The following MAU2 variants were observed in gnomAD, a reference collection of about 807,000 sequenced individuals.
MAU2 encodes the protein MAU2 sister chromatid cohesion factor.
A neutral mutation model predicts 89.1 loss-of-function variants in MAU2; 9 were observed. The observed-to-expected ratio is 0.10, with a 90% CI of 0.06 to 0.18. MAU2 has a LOEUF of 0.18. Ranked by LOEUF, MAU2 falls within the 10% of genes least tolerant of loss-of-function variation. MAU2 has a pLI of 1.00. For missense variants in MAU2, 425 were observed against 803.5 expected, an observed-to-expected ratio of 0.53 and a Z score of 5.69; for synonymous variants, 357 against 343.4, an observed-to-expected ratio of 1.04 and a Z score of -0.44.
intron 12 of MAU2, among the ~76,000 whole-genome samples, chr19:19,346,721 C>CGATCTCATT (rs1050364821): frequency 6.6e-6 from 1 of 152,172 alleles, no homozygotes; most frequent in African/African-American, 2.4e-5. Flanking sequence ...TCTTGACGAA[C>CGATCTCATT]GATCTCATTT....
At chr19:19,334,906 T>A (rs1169629012) in intron 1 of MAU2, among the ~76,000 whole-genome samples, 2 of 152,106 alleles carry the variant, frequency 1.3e-5, no homozygotes, top group African/African-American at 4.8e-5. Flanking sequence ...CGGATCCACC[T>A]TCCAGCAACC....
chr19:19,321,187 T>G (rs756632065), intron 1 of MAU2, 52 bp downstream of exon 1: 135 of 1,477,064 alleles, frequency 9.1e-5, no homozygotes, highest in Non-Finnish European at 1.2e-4. Flanking sequence ...TTGCAAGATC[T>G]GGGCTGACGG....
intron 7 of MAU2, 107 bp downstream of exon 7, chr19:19,341,514 T>A (rs2061646691): frequency 1.5e-6 from 2 of 1,353,744 alleles, no homozygotes; most frequent in South Asian, 1.4e-5. Context: ...TCGCCTTACC[T>A]TGCCACACAA....
In MAU2 at chr19:19,355,245, G is replaced by T; in HGVS notation, c.1640-19G>T. 1 of 1,613,468 alleles carries T rather than the reference G, an allele frequency of 6.2e-7. No homozygotes were observed. The highest frequency in any genetic ancestry group is 8.5e-7 in the Non-Finnish European group (1 of 1,179,886). On this transcript the variant is annotated intron_variant, in intron 17 of 18. Coordinates refer to ENST00000262815, the MANE Select transcript of MAU2 (RefSeq NM_015329.4). The stretch of plus-strand genomic sequence containing the variant: ...GTGACAGGGCAAGGCGGGCCCCCAT[G>T]CTCATGTCCCACTCTCAGACCTGAA...
At position 19,336,139 on chromosome 19, in the gene MAU2, T is replaced by C; in HGVS notation, c.312T>C (p.Asp104=). The C allele has an allele frequency of 6.2e-7, 1 of 1,613,284 alleles. No individual in the cohort carries two copies. Among genetic ancestry groups the C allele is most frequent in the Non-Finnish European group, 8.5e-7 (1 of 1,179,496 alleles). ...LISQQIPQFE[D]VKFEAASLLS... ...GTCACTAGATCCCGCAGTTCGAAGATGTTAAATTTGAAGCAGCAAGTCTGT... is the reference window on the plus strand; with the variant it reads ...GTCACTAGATCCCGCAGTTCGAAGACGTTAAATTTGAAGCAGCAAGTCTGT... The change falls in exon 3 of 19, where the codon GAT becomes GAC. Residue 104 remains aspartate (D), a synonymous_variant. Coordinates refer to ENST00000262815, the MANE Select transcript of MAU2 (RefSeq NM_015329.4).
At position 19,345,072 on chromosome 19, in the gene MAU2, A is replaced by G; in HGVS notation, c.1155+146A>G. ...GAATGTTCCCATAGGTAATCATATA[A>G]CCTTCCCAGGCACGATCCGGAATGC... is the stretch of plus-strand genomic sequence containing the variant. On this transcript the variant is annotated intron_variant, in intron 11 of 18. Transcript: ENST00000262815. The surrounding 1 kb of genome is among the most constrained non-coding windows in gnomAD (Gnocchi z 4.9). 1.2e-6 allele frequency: 1 copy of G among 800,950 alleles called. No individual in the cohort carries two copies. Among genetic ancestry groups the G allele is most frequent in the Non-Finnish European group, 2.0e-6 (1 of 488,304 alleles). 49.6% of individuals were successfully genotyped at this position (800,950 alleles called of 1,614,324 possible). A position where few individuals can be genotyped will look rare whatever the true frequency, so the allele number is the denominator to read the frequency against.
Position 19,351,837 on chromosome 19 carries a change from ATTTTTTTTTT to A in MAU2, c.1548+2421_1548+2430del, listed in dbSNP as rs35932608. The stretch of plus-strand genomic sequence containing the variant: ...GTTTTGCTTGTCAGCCTGTTTGGTA[ATTTTTTTTTT>A]TTTTTTTTTTTTTTTTTTTGAGATG... On this transcript the variant is annotated intron_variant, in intron 16 of 18. Transcript: ENST00000262815. Among the ~76,000 whole-genome samples, 7 of 58,920 alleles carry A rather than the reference ATTTTTTTTTT, an allele frequency of 1.2e-4. No individual in the cohort carries two copies. In the Admixed American group the frequency reaches 1.6e-3, roughly 14 times the overall value. The allele number at this position is 58,920 out of a possible 152,430, so 38.7% of individuals were successfully genotyped here.
At chr19:19,355,152 G>T in intron 17 of MAU2, 112 bp from the exon 18 acceptor site, 1 of 1,390,726 alleles carries the variant, frequency 7.2e-7, no homozygotes, top group Non-Finnish European at 9.8e-7. Flanking sequence ...CAGGCACCCA[G>T]AGATCCACCA....
intron 9 of MAU2, among the ~76,000 whole-genome samples, chr19:19,343,134 C>T (rs183867253): frequency 5.3e-5 from 8 of 152,276 alleles, no homozygotes; most frequent in Admixed American, 5.2e-4. Flanking sequence ...GCTGCTTTTC[C>T]CAATTATTAT....
chr19:19,336,652 A>G lies in MAU2; in HGVS notation c.360+465A>G, dbSNP rs12460921. On this transcript the variant is annotated intron_variant, in intron 3 of 18. Coordinates refer to ENST00000262815, the MANE Select transcript of MAU2 (RefSeq NM_015329.4). The stretch of plus-strand genomic sequence containing the variant: ...GGCTTTGGTGGGTAGCCACCTGCTA[A>G]GGAGGGCCAGCAGCTTCCTTTTCTA... 6.7e-3 allele frequency among the ~76,000 whole-genome samples: 1,013 copies of G among 152,328 alleles called. 39 individuals are homozygous for G. Among genetic ancestry groups the G allele is most frequent in the Admixed American group, 0.061 (938 of 15,294 alleles).
At chr19:19,340,801 G>A (rs537979579) in intron 5 of MAU2, 45 bp from the exon 6 acceptor site, 2 of 1,607,650 alleles carry the variant, frequency 1.2e-6, no homozygotes, top group East Asian at 2.2e-5. Flanking sequence ...ATCCCAGGAG[G>A]CTCCTGGGCC....
At position 19,344,866 on chromosome 19, in the gene MAU2, G is replaced by C. The variant is rs370992314; in HGVS notation, c.1095G>C (p.Gln365His). The change falls in exon 11 of 19, where the codon CAG becomes CAC. Residue 365 changes from glutamine to histidine, a missense_variant. Transcript: ENST00000262815. ...CCCGGCAGATCTCCCAGGTCTGCCA[G>C]CTGTGCCAGCAGTCCCCCCGGCTCT... The part of the protein sequence containing the change: ...TALQEISQVC[Q>H]LCQQSPRLFS... The C allele has an allele frequency of 1.2e-6, 2 of 1,613,608 alleles. No individual in the cohort carries two copies. The highest frequency in any genetic ancestry group is 2.7e-5 in the African/African-American group (2 of 74,930).
intron 16 of MAU2, among the ~76,000 whole-genome samples, chr19:19,351,387 C>G (rs2061742736): frequency 6.6e-6 from 1 of 151,706 alleles, no homozygotes; most frequent in African/African-American, 2.4e-5. Context: ...AGATATTTTC[C>G]AGCCAGACAC....
chr19:19,351,125 G>T (rs771261486), intron 16 of MAU2, among the ~76,000 whole-genome samples: 1 of 151,604 alleles, frequency 6.6e-6, no homozygotes, highest in Non-Finnish European at 1.5e-5. Context: ...TCAGCTCGTG[G>T]TAACCTTCAC....
intron 5 of MAU2, among the ~76,000 whole-genome samples, chr19:19,340,181 A>T (rs1036871403): frequency 1.5e-4 from 22 of 150,036 alleles, no homozygotes; most frequent in Middle Eastern, 3.4e-3. Context: ...AAAAAAAAAA[A>T]AATTAACCAG....
At chr19:19,334,606 C>T (rs2061581768) in intron 1 of MAU2, 1 of 985,504 alleles carries the variant, frequency 1.0e-6, no homozygotes, top group Non-Finnish European at 1.2e-6. Flanking sequence ...TGGGCAGGTG[C>T]TTTCATTTTC....
chr19:19,323,525 G>C (rs2061481355), intron 1 of MAU2, among the ~76,000 whole-genome samples: 1 of 150,164 alleles, frequency 6.7e-6, no homozygotes. Context: ...TATTTATTTT[G>C]AGACAGGGTC....
chr19:19,341,191 C>T lies in MAU2; in HGVS notation c.580-61C>T, dbSNP rs73922863. ...GCAGGTGGGCAGGTGACCCTGTGCT[C>T]CCGGTCCTGGGAGGGCCCCTGCAAG... On this transcript the variant is annotated intron_variant, in intron 6 of 18. Coordinates refer to ENST00000262815, the MANE Select transcript of MAU2 (RefSeq NM_015329.4). The T allele has an allele frequency of 8.2e-4, 1,269 of 1,553,994 alleles. 3 individuals are homozygous for T. The highest frequency in any genetic ancestry group is 9.4e-4 in the Middle Eastern group (4 of 4,244).
intron 1 of MAU2, among the ~76,000 whole-genome samples, chr19:19,322,464 T>C (rs1219998688): frequency 6.6e-6 from 1 of 152,186 alleles, no homozygotes; most frequent in East Asian, 1.9e-4. Flanking sequence ...CTGGGCGTAC[T>C]GACGCGGGCC....
Sources: allele counts gnomAD v4.1 joint callset (sites outside exome capture counted in the v4.1 genomes callset), GRCh38; gene constraint gnomAD v4.1.1; non-coding constraint Gnocchi (gnomAD v3.1); transcripts MANE v1.5; gene names NCBI Gene and HGNC (gene_info 2026-07-23, HGNC 2026-07-21).